USP7: variants seen among roughly 807,000 people sequenced by gnomAD.
The protein encoded by USP7 is ubiquitin specific peptidase 7, also known as ubiquitin C-terminal hydrolase 7.
USP7 carries 9 observed loss-of-function variants against 162.9 expected under a neutral mutation model. The ratio of observed to expected loss-of-function variants is 0.06; its 90% CI spans 0.03 to 0.10. The LOEUF (loss-of-function observed/expected upper bound fraction) is 0.10. Ranked by LOEUF, USP7 falls within the 10% of genes least tolerant of loss-of-function variation. The pLI is 1.00. For synonymous variants in USP7, 562 were observed against 475.9 expected (o/e 1.18, Z -2.35); for missense variants, 715 against 1,373.7 (o/e 0.52, Z 7.58).
At chr16:8,894,933 C>G (rs2061658780) in intron 28 of USP7, 78 bp from the exon 29 acceptor site, 1 of 1,613,642 alleles carries the variant, frequency 6.2e-7, no homozygotes, top group South Asian at 1.1e-5. Flanking sequence ...CCGCCAAAAC[C>G]AACGCCTAAC....
intron 1 of USP7, among the ~76,000 whole-genome samples, chr16:8,950,540 G>C (rs946886738): frequency 6.6e-6 from 1 of 152,200 alleles, no homozygotes. Context: ...GAACACTGAA[G>C]ACTTTGATCA....
chr16:8,952,089 T>C (rs879834287), intron 1 of USP7, among the ~76,000 whole-genome samples: 2 of 151,280 alleles, frequency 1.3e-5, no homozygotes, highest in African/African-American at 2.4e-5. Flanking sequence ...CCCCCGTCTA[T>C]ACAAAAAAGA....
At chr16:8,901,923 T>C in intron 18 of USP7, 159 bp downstream of exon 18, 2 of 659,948 alleles carry the variant, frequency 3.0e-6, no homozygotes, top group East Asian at 5.5e-5. Flanking sequence ...GCCAAGTCAG[T>C]CTTATTTGAC....
At chr16:8,921,744 C>A (rs142244626) in intron 3 of USP7, among the ~76,000 whole-genome samples, 1 of 152,236 alleles carries the variant, frequency 6.6e-6, no homozygotes, top group East Asian at 1.9e-4. Context: ...TGTCCTGCCC[C>A]GGCATCGACG....
intron 10 of USP7, among the ~76,000 whole-genome samples, chr16:8,913,160 A>C (rs866482487): frequency 6.6e-6 from 1 of 152,228 alleles, no homozygotes; most frequent in African/African-American, 2.4e-5. Context: ...ACTCGAGACC[A>C]GCCTGCCCAA....
At position 8,920,249 on chromosome 16, in the gene USP7, G is replaced by C. The variant is rs1596378075; in HGVS notation, c.611+110C>G. On this transcript the variant is annotated intron_variant, in intron 5 of 30. Coordinates refer to ENST00000344836, the MANE Select transcript of USP7 (RefSeq NM_003470.3). ...CTGTGTGCCACAGGGCAAGCGCAGAGAGGAGGCTTACTGATTAAATATGTG... is the reference window on the plus strand; with the variant it reads ...CTGTGTGCCACAGGGCAAGCGCAGACAGGAGGCTTACTGATTAAATATGTG... The C allele has an allele frequency of 7.6e-6, 7 of 925,706 alleles. No homozygotes were observed. In the East Asian group the frequency reaches 1.7e-4, roughly 22 times the overall value. The allele number at this position is 925,706 out of a possible 1,614,324, so 57.3% of individuals were successfully genotyped here. A position where few individuals can be genotyped will look rare whatever the true frequency, so the allele number is the denominator to read the frequency against.
In USP7 at chr16:8,895,015, A is replaced by G. The variant is rs761026371; in HGVS notation, c.3039+16T>C. The stretch of plus-strand genomic sequence containing the variant: ...AGGTTTTGACGTGAGCCACTCGGCC[A>G]ACCACAACAGCATACCTGGTGTATC... On this transcript the variant is annotated intron_variant, in intron 28 of 30. Transcript: ENST00000344836. The G allele has an allele frequency of 2.5e-6, 4 of 1,614,124 alleles. No homozygotes were observed. In the Admixed American group the frequency reaches 6.7e-5, roughly 27 times the overall value.
intron 10 of USP7, 123 bp downstream of exon 10, chr16:8,915,127 TTTGC>T: frequency 1.1e-6 from 1 of 901,952 alleles, no homozygotes; most frequent in Non-Finnish European, 1.6e-6. Flanking sequence ...CAGTGAGCTG[TTTGC>T]TTAAGATCTG....
At chr16:8,962,814 G>A (rs947106751) in intron 1 of USP7, 53 of 157,942 alleles carry the variant, frequency 3.4e-4, no homozygotes, top group Non-Finnish European at 4.5e-4. Context: ...GCCCGGGGAG[G>A]TCAGGAATTC....
rs2141152188 is a variant in USP7, at chr16:8,892,542, T to C, written c.*1456A>G. 2 of 151,648 alleles carry C rather than the reference T, an allele frequency of 1.3e-5. No homozygotes were observed. The highest frequency in any genetic ancestry group is 3.4e-3 in the Middle Eastern group (1 of 294). 9.4% of individuals were successfully genotyped at this position (151,648 alleles called of 1,614,324 possible). A position where few individuals can be genotyped will look rare whatever the true frequency, so the allele number is the denominator to read the frequency against. On this transcript the variant is annotated 3_prime_UTR_variant, in exon 31 of 31. Transcript: ENST00000344836. ...CAGGTCACATCTCCAGTCACCTTAT[T>C]TGTACACAGTTCTCTCCTGGAAAAC... is the stretch of plus-strand genomic sequence containing the variant.
At chr16:8,917,589 G>C (rs1032064305) in intron 6 of USP7, among the ~76,000 whole-genome samples, 2 of 152,152 alleles carry the variant, frequency 1.3e-5, no homozygotes, top group African/African-American at 2.4e-5. Context: ...ATTTTGGCCA[G>C]ACTGGACTGA....
rs1307681503 is a variant in USP7, at chr16:8,923,432, A to G, written c.185-19T>C. 1.3e-5 allele frequency: 21 copies of G among 1,613,306 alleles called. No homozygotes were observed. The highest frequency in any genetic ancestry group is 1.8e-5 in the Non-Finnish European group (21 of 1,179,620). ...CTGGTGTCTGCAAAAAAAACACATC[A>G]TCAGTCACAGAGCCTGTGCATTGAC... On this transcript the variant is annotated intron_variant, in intron 2 of 30. Coordinates refer to ENST00000344836, the MANE Select transcript of USP7 (RefSeq NM_003470.3).
chr16:8,909,921 G>A (rs750805202), intron 11 of USP7, among the ~76,000 whole-genome samples: 2 of 151,868 alleles, frequency 1.3e-5, no homozygotes, highest in Admixed American at 6.6e-5. Flanking sequence ...CCGAGTCTCC[G>A]TCTCAGAAAA....
chr16:8,934,577 A>T (rs938586693), intron 1 of USP7, among the ~76,000 whole-genome samples: 1 of 152,246 alleles, frequency 6.6e-6, no homozygotes, highest in African/African-American at 2.4e-5. Flanking sequence ...GTGTGAAGTT[A>T]GGGCTTCTCT....
At chr16:8,918,405 G>A (rs1339596391) in intron 6 of USP7, among the ~76,000 whole-genome samples, 1 of 152,260 alleles carries the variant, frequency 6.6e-6, no homozygotes, top group East Asian at 1.9e-4. Context: ...AAGTTGCATT[G>A]ACTTTTCAAC....
intron 1 of USP7, among the ~76,000 whole-genome samples, chr16:8,957,269 C>A (rs1207105049): frequency 6.6e-6 from 1 of 152,190 alleles, no homozygotes; most frequent in African/African-American, 2.4e-5. Flanking sequence ...CTGCTTCCTC[C>A]AACTTTCTTA....
intron 1 of USP7, among the ~76,000 whole-genome samples, chr16:8,938,763 T>A (rs1168448284): frequency 6.6e-6 from 1 of 152,032 alleles, no homozygotes; most frequent in Non-Finnish European, 1.5e-5. Flanking sequence ...ATGTACAGAT[T>A]TTTTTCTGTG....
intron 7 of USP7, among the ~76,000 whole-genome samples, chr16:8,916,757 T>C (rs1417116050): frequency 1.3e-5 from 2 of 152,174 alleles, no homozygotes; most frequent in Admixed American, 1.3e-4. Flanking sequence ...ATGTAATAAA[T>C]CTGAAAGCAG....
chr16:8,933,967 G>A (rs566904096), intron 1 of USP7, among the ~76,000 whole-genome samples: 2 of 152,188 alleles, frequency 1.3e-5, no homozygotes, highest in South Asian at 4.1e-4. Flanking sequence ...ATGTTGGCCA[G>A]GCTGGTCTCA....
Sources: allele counts gnomAD v4.1 joint callset (sites outside exome capture counted in the v4.1 genomes callset), GRCh38; gene constraint gnomAD v4.1.1; transcripts MANE v1.5; gene names NCBI Gene and HGNC (gene_info 2026-07-23, HGNC 2026-07-21).